The following INPP5A variants were observed in gnomAD, a reference collection of about 807,000 sequenced individuals.
INPP5A encodes the protein inositol polyphosphate-5-phosphatase A.
INPP5A carries 14 observed loss-of-function variants against 65.2 expected under a neutral mutation model. That is an observed-to-expected ratio of 0.21 (90% CI 0.14 to 0.34). The LOEUF (loss-of-function observed/expected upper bound fraction) is 0.34. INPP5A is among the 10% of genes least tolerant of loss of function. INPP5A has a pLI of 1.00. For missense variants in INPP5A, 431 were observed against 545.6 expected, an observed-to-expected ratio of 0.79 and a Z score of 2.09; for synonymous variants, 207 against 208.3, an observed-to-expected ratio of 0.99 and a Z score of 0.05.
intron 4 of INPP5A, among the ~76,000 whole-genome samples, chr10:132,655,087 A>G (rs1423810392): frequency 2.6e-5 from 4 of 152,256 alleles, no homozygotes; most frequent in African/African-American, 9.6e-5. Context: ...CTCAGGGCAG[A>G]AGGCCCCAGG....
chr10:132,552,356 A>G (rs111731985), intron 1 of INPP5A, among the ~76,000 whole-genome samples: 20,721 of 70,086 alleles, frequency 0.3, 3,715 homozygotes, highest in African/African-American at 0.51. Flanking sequence ...ACTGGTGAAC[A>G]CCTCCTCAGA....
chr10:132,667,295 C>T (rs557640605), intron 4 of INPP5A, among the ~76,000 whole-genome samples: 15 of 152,154 alleles, frequency 9.9e-5, no homozygotes, highest in African/African-American at 3.4e-4. Context: ...TTTAAAGGGG[C>T]TTCAAAAGAG....
chr10:132,776,824 G>C (rs1336641509), intron 12 of INPP5A, among the ~76,000 whole-genome samples: 1 of 152,186 alleles, frequency 6.6e-6, no homozygotes, highest in Non-Finnish European at 1.5e-5. Flanking sequence ...TCGGCGGGTA[G>C]TGGGGGCCAT....
intron 1 of INPP5A, among the ~76,000 whole-genome samples, chr10:132,606,913 C>T (rs940408941): frequency 6.6e-6 from 1 of 152,340 alleles, no homozygotes; most frequent in East Asian, 1.9e-4. Flanking sequence ...TAAGTACATT[C>T]ACGTTGTTGC....
At chr10:132,588,174 T>C (rs2071571824) in intron 1 of INPP5A, among the ~76,000 whole-genome samples, 1 of 152,222 alleles carries the variant, frequency 6.6e-6, no homozygotes, top group South Asian at 2.1e-4. Flanking sequence ...TGATTTTGTC[T>C]CTGTATTTGA....
intron 8 of INPP5A, among the ~76,000 whole-genome samples, chr10:132,724,410 G>A (rs573750750): frequency 1.4e-4 from 22 of 152,358 alleles, no homozygotes; most frequent in Admixed American, 3.3e-4. Context: ...CTCCATGCCC[G>A]CGTGGGGACT....
At chr10:132,765,678 A>G in intron 11 of INPP5A, 95 bp from the exon 12 acceptor site, 1 of 767,392 alleles carries the variant, frequency 1.3e-6, no homozygotes, top group Non-Finnish European at 2.4e-6. Flanking sequence ...CAGATGTCAC[A>G]CCGAGCATTT....
intron 4 of INPP5A, among the ~76,000 whole-genome samples, chr10:132,689,208 T>A (rs189319675): frequency 3.3e-5 from 5 of 152,316 alleles, no homozygotes; most frequent in Admixed American, 2.0e-4. Flanking sequence ...CAGGCCCTGT[T>A]CAGAATGCAG....
intron 13 of INPP5A, 155 bp downstream of exon 13, chr10:132,777,937 C>A (rs1847092732): frequency 2.0e-6 from 3 of 1,465,510 alleles, no homozygotes; most frequent in South Asian, 1.4e-5. Flanking sequence ...ATGAGCTGCA[C>A]CCCAGCATTG....
At chr10:132,724,732 C>G (rs1845954932) in intron 8 of INPP5A, among the ~76,000 whole-genome samples, 1 of 146,566 alleles carries the variant, frequency 6.8e-6, no homozygotes, top group Non-Finnish European at 1.5e-5. Context: ...CCATAACTCA[C>G]AGGGAGGCCC....
In INPP5A at chr10:132,603,746, T is replaced by G. The variant is rs996181449; in HGVS notation, c.76-4169T>G. ...CACTTGCTGATTTAATAGATTCTATTACTTGTGTTTTGTTAGTTTGTAACA... is the reference window on the plus strand; with the variant it reads ...CACTTGCTGATTTAATAGATTCTATGACTTGTGTTTTGTTAGTTTGTAACA... On this transcript the variant is annotated intron_variant, in intron 1 of 15. Transcript: ENST00000368594. This position sits in a 1 kb window ranked among gnomAD's most constrained non-coding sequence, Gnocchi z 4.2. Among the ~76,000 whole-genome samples, 1 of 152,216 alleles carries G rather than the reference T, an allele frequency of 6.6e-6. No homozygotes were observed. The highest frequency in any genetic ancestry group is 2.4e-5 in the African/African-American group (1 of 41,448).
intron 9 of INPP5A, among the ~76,000 whole-genome samples, chr10:132,747,909 C>T (rs920574248): frequency 1.3e-5 from 2 of 152,040 alleles, no homozygotes; most frequent in African/African-American, 4.8e-5. Flanking sequence ...ATTAGCTGGG[C>T]ATGGTGGTGC....
chr10:132,572,993 T>A (rs2133286937), intron 1 of INPP5A, among the ~76,000 whole-genome samples: 1 of 151,786 alleles, frequency 6.6e-6, no homozygotes, highest in Non-Finnish European at 1.5e-5. Flanking sequence ...TTTGTTGAGA[T>A]GTTGGGGTGT....
intron 1 of INPP5A, among the ~76,000 whole-genome samples, chr10:132,605,710 C>T (rs765278511): frequency 1.3e-5 from 2 of 152,104 alleles, no homozygotes; most frequent in Non-Finnish European, 2.9e-5. Flanking sequence ...TCACCGTGGC[C>T]GTCACAGTGG....
intron 8 of INPP5A, among the ~76,000 whole-genome samples, chr10:132,717,886 C>T (rs1184321621): frequency 5.7e-5 from 8 of 141,190 alleles, no homozygotes; most frequent in Non-Finnish European, 1.1e-4. Flanking sequence ...GCGCCTTAGA[C>T]GGCTGTCTTC....
chr10:132,782,351 A>C lies in INPP5A; in HGVS notation c.*322A>C. ...GTAGACTTCACAGTTTTCAGTTTTT[A>C]ATGATTGCCAGTGGAGGGGCTTCTT... On this transcript the variant is annotated 3_prime_UTR_variant, in exon 16 of 16. Coordinates refer to ENST00000368594, the MANE Select transcript of INPP5A (RefSeq NM_005539.5). This position sits in a 1 kb window ranked among gnomAD's most constrained non-coding sequence, Gnocchi z 4.4. The C allele has an allele frequency of 3.0e-6, 1 of 329,232 alleles. No homozygotes were observed. Among genetic ancestry groups the C allele is most frequent in the Non-Finnish European group, 5.9e-6 (1 of 170,500 alleles). The allele number at this position is 329,232 out of a possible 1,614,324, so 20.4% of individuals were successfully genotyped here. A position where few individuals can be genotyped will look rare whatever the true frequency, so the allele number is the denominator to read the frequency against.
At chr10:132,586,155 C>T (rs1048110861) in intron 1 of INPP5A, among the ~76,000 whole-genome samples, 13 of 152,150 alleles carry the variant, frequency 8.5e-5, no homozygotes, top group Admixed American at 5.2e-4. Flanking sequence ...GGGCTGGACG[C>T]GCCCTGTGCT....
intron 1 of INPP5A, among the ~76,000 whole-genome samples, chr10:132,583,714 T>C (rs935955246): frequency 6.6e-6 from 1 of 152,212 alleles, no homozygotes; most frequent in Non-Finnish European, 1.5e-5. Flanking sequence ...CTTGGTAAAT[T>C]ACATCGCTGT....
chr10:132,623,061 C>A (rs1434277842), intron 2 of INPP5A, among the ~76,000 whole-genome samples: 1 of 152,172 alleles, frequency 6.6e-6, no homozygotes, highest in East Asian at 1.9e-4. Flanking sequence ...CATGTTAATT[C>A]CCCACTAACC....
Sources: allele counts gnomAD v4.1 joint callset (sites outside exome capture counted in the v4.1 genomes callset), GRCh38; gene constraint gnomAD v4.1.1; non-coding constraint Gnocchi (gnomAD v3.1); transcripts MANE v1.5; gene names NCBI Gene and HGNC (gene_info 2026-07-23, HGNC 2026-07-21).